The following NF2 variants were observed in gnomAD, a reference collection of about 807,000 sequenced individuals.
The protein encoded by NF2 is merlin.
Under a neutral mutation model 83.7 loss-of-function variants are expected in NF2, and 8 were observed. The ratio of observed to expected loss-of-function variants is 0.10; its 90% CI spans 0.06 to 0.17. The LOEUF (loss-of-function observed/expected upper bound fraction) is 0.17. NF2 is among the 10% of genes least tolerant of loss of function. NF2 has a pLI of 1.00. For missense variants in NF2, 533 were observed against 744.4 expected, an observed-to-expected ratio of 0.72 and a Z score of 3.31; for synonymous variants, 266 against 269.6, an observed-to-expected ratio of 0.99 and a Z score of 0.13.
intron 1 of NF2, among the ~76,000 whole-genome samples, chr22:29,606,810 C>A (rs1326133154): frequency 6.6e-6 from 1 of 152,212 alleles, no homozygotes; most frequent in African/African-American, 2.4e-5. Context: ...CTTTGGGAGG[C>A]TGAGGCAGGC....
chr22:29,675,804 A>G (rs1182171621), intron 13 of NF2, among the ~76,000 whole-genome samples: 4 of 140,654 alleles, frequency 2.8e-5, no homozygotes, highest in Non-Finnish European at 6.5e-5. Context: ...ACATCCACAC[A>G]CACAGCACGG....
chr22:29,619,784 G>A (rs971731610), intron 1 of NF2, among the ~76,000 whole-genome samples: 5 of 152,122 alleles, frequency 3.3e-5, no homozygotes, highest in African/African-American at 4.8e-5. Context: ...GAGTGCGTGC[G>A]TGCTGATGAA....
intron 8 of NF2, among the ~76,000 whole-genome samples, chr22:29,661,804 G>A (rs1370396870): frequency 4.6e-5 from 7 of 152,082 alleles, no homozygotes; most frequent in Admixed American, 4.6e-4. Flanking sequence ...TTTAAGTGTG[G>A]TCTTTATTGA....
chr22:29,607,329 A>G (rs2064824161), intron 1 of NF2, among the ~76,000 whole-genome samples: 1 of 151,622 alleles, frequency 6.6e-6, no homozygotes, highest in Admixed American at 6.6e-5. Context: ...ATATGCCACA[A>G]TTAGTGGAGC....
At chr22:29,623,228 A>G (rs550596518) in intron 1 of NF2, among the ~76,000 whole-genome samples, 1 of 152,300 alleles carries the variant, frequency 6.6e-6, no homozygotes, top group South Asian at 2.1e-4. Flanking sequence ...TACAGGCATG[A>G]GCCAACATGC....
chr22:29,692,392 C>T (rs1224311413), intron 15 of NF2, among the ~76,000 whole-genome samples: 1 of 152,196 alleles, frequency 6.6e-6, no homozygotes, highest in African/African-American at 2.4e-5. Context: ...GCTCAGGAAG[C>T]ACCCCACCCA....
chr22:29,638,847 T>G (rs1313128226), intron 2 of NF2, among the ~76,000 whole-genome samples: 3 of 152,232 alleles, frequency 2.0e-5, no homozygotes, highest in African/African-American at 7.2e-5. Context: ...GCCTTAATCC[T>G]AGCTCTGCTC....
intron 15 of NF2, chr22:29,684,145 G>A: frequency 5.9e-6 from 1 of 170,000 alleles, no homozygotes. Flanking sequence ...CTTATTAAAA[G>A]GTACACTTGA....
chr22:29,688,262 C>T (rs2067315515), intron 15 of NF2, among the ~76,000 whole-genome samples: 2 of 152,150 alleles, frequency 1.3e-5, no homozygotes, highest in Non-Finnish European at 2.9e-5. Flanking sequence ...TATTACCAGG[C>T]CTTATTTGAG....
At chr22:29,630,876 A>G (rs2065491571) in intron 1 of NF2, among the ~76,000 whole-genome samples, 1 of 152,104 alleles carries the variant, frequency 6.6e-6, no homozygotes, top group African/African-American at 2.4e-5. Context: ...AAAATGATAA[A>G]CCCTAACAAA....
In NF2 at chr22:29,622,953, C is replaced by CTT. The variant is rs779748755; in HGVS notation, c.115-13777_115-13776dup. ...ACAGGCGTGAACCACCGTGCCCGGCCTTTTTTTTTTTTTTTTTTTTTTCGA... is the reference window on the plus strand; with the variant it reads ...ACAGGCGTGAACCACCGTGCCCGGCCTTTTTTTTTTTTTTTTTTTTTTTTCGA... On this transcript the variant is annotated intron_variant, in intron 1 of 15. Coordinates refer to ENST00000338641, the MANE Select transcript of NF2 (RefSeq NM_000268.4). Among the ~76,000 whole-genome samples the CTT allele has an allele frequency of 1.6e-3, 147 of 94,694 alleles. 1 individual carries two copies. Among genetic ancestry groups the CTT allele is most frequent in the African/African-American group, 2.3e-3 (49 of 21,078 alleles). The allele number at this position is 94,694 out of a possible 152,430, so 62.1% of individuals were successfully genotyped here. A position where few individuals can be genotyped will look rare whatever the true frequency, so the allele number is the denominator to read the frequency against.
chr22:29,672,328 T>TTTTG (rs1429345394), intron 11 of NF2, among the ~76,000 whole-genome samples: 274 of 151,226 alleles, frequency 1.8e-3, no homozygotes, highest in African/African-American at 6.5e-3. Context: ...TTTTTTTTTT[T>TTTTG]TGAGACGGAG....
At chr22:29,637,047 TCTC>T (rs1178541563) in intron 2 of NF2, 171 bp downstream of exon 2, 11 of 937,738 alleles carry the variant, frequency 1.2e-5, no homozygotes, top group Non-Finnish European at 1.8e-5. Context: ...CCAGTTTCCT[TCTC>T]CTCACAGGCT....
At chr22:29,610,727 T>C (rs1372507337) in intron 1 of NF2, among the ~76,000 whole-genome samples, 1 of 151,274 alleles carries the variant, frequency 6.6e-6, no homozygotes, top group Non-Finnish European at 1.5e-5. Flanking sequence ...CACCACTGAA[T>C]TCTATCAAAC....
chr22:29,618,575 G>A (rs960934452), intron 1 of NF2, among the ~76,000 whole-genome samples: 29 of 152,188 alleles, frequency 1.9e-4, no homozygotes, highest in African/African-American at 5.5e-4. Flanking sequence ...GAAAGTGGGT[G>A]CTGAGTGTAA....
chr22:29,604,563 T>A (rs1224038793), intron 1 of NF2, among the ~76,000 whole-genome samples: 1 of 152,228 alleles, frequency 6.6e-6, no homozygotes, highest in African/African-American at 2.4e-5. Context: ...ATACTTACTT[T>A]CCACATAGTT....
chr22:29,603,846 T>G lies in NF2; in HGVS notation c.-153T>G. ...CAGGCAGGGTCCTCGCGGCCCATGC[T>G]GGCCGCTGGGGACCCGCGCAGCCCA... On this transcript the variant is annotated 5_prime_UTR_variant, in exon 1 of 16. Coordinates refer to ENST00000338641, the MANE Select transcript of NF2 (RefSeq NM_000268.4). 1.6e-6 allele frequency: 1 copy of G among 608,338 alleles called. No individual in the cohort carries two copies. Among genetic ancestry groups the G allele is most frequent in the Non-Finnish European group, 2.9e-6 (1 of 348,526 alleles). The allele number at this position is 608,338 out of a possible 1,614,324, so 37.7% of individuals were successfully genotyped here.
chr22:29,671,017 A>G (rs2066766969), intron 10 of NF2, among the ~76,000 whole-genome samples: 2 of 152,062 alleles, frequency 1.3e-5, no homozygotes, highest in African/African-American at 2.4e-5. Context: ...GCAAGAGTGG[A>G]GCTATTGTTG....
intron 13 of NF2, among the ~76,000 whole-genome samples, chr22:29,677,086 C>G (rs1014140537): frequency 2.2e-5 from 3 of 134,272 alleles, no homozygotes; most frequent in African/African-American, 7.6e-5. Context: ...AGACACTGTC[C>G]TAGACTCAAT....
Sources: gnomAD v4.1 joint callset for allele counts (sites outside exome capture counted in the v4.1 genomes callset) on GRCh38, gnomAD v4.1.1 for gene constraint, MANE v1.5 for transcripts, NCBI Gene and HGNC (gene_info 2026-07-23, HGNC 2026-07-21) for gene names.